Variants in PCCB observed in about 807,000 individuals in gnomAD.
PCCB encodes the protein propionyl-CoA carboxylase beta chain, mitochondrial.
PCCB carries 43 observed loss-of-function variants against 60.7 expected under a neutral mutation model. That is an observed-to-expected ratio of 0.71 (90% CI 0.55 to 0.91). The LOEUF is 0.91. Ranked by LOEUF, PCCB falls within the 40% of genes least tolerant of loss-of-function variation. The pLI is 0.00. For missense variants in PCCB, 766 were observed against 702.8 expected, an observed-to-expected ratio of 1.09 and a Z score of -1.02; for synonymous variants, 276 against 255.9, an observed-to-expected ratio of 1.08 and a Z score of -0.75.
At chr3:136,298,406 A>G (rs1242223671) in intron 8 of PCCB, among the ~76,000 whole-genome samples, 1 of 152,170 alleles carries the variant, frequency 6.6e-6, no homozygotes, top group Non-Finnish European at 1.5e-5. Context: ...GTCCCCATGA[A>G]GAAGTCTCCC....
chr3:136,327,784 G>C lies in PCCB; in HGVS notation c.1398+52G>C, dbSNP rs758787494. The C allele has an allele frequency of 2.9e-6, 4 of 1,397,220 alleles. No individual in the cohort carries two copies. In the African/African-American group the frequency reaches 5.7e-5, roughly 20 times the overall value. 86.6% of individuals were successfully genotyped at this position (1,397,220 alleles called of 1,614,324 possible). A position where few individuals can be genotyped will look rare whatever the true frequency, so the allele number is the denominator to read the frequency against. Reference sequence around the variant, plus strand: ...TGGGTCCAAGGACTCGACTCTACCAGCGAGAGCTCAAGGCATAGCTGGGAA... The same window carrying C: ...TGGGTCCAAGGACTCGACTCTACCACCGAGAGCTCAAGGCATAGCTGGGAA... On this transcript the variant is annotated intron_variant, in intron 13 of 14. Coordinates refer to ENST00000251654, the MANE Select transcript of PCCB (RefSeq NM_000532.5).
intron 9 of PCCB, among the ~76,000 whole-genome samples, chr3:136,312,984 G>A (rs531561753): frequency 6.6e-6 from 1 of 152,262 alleles, no homozygotes; most frequent in African/African-American, 2.4e-5. Context: ...CCTTAAACAT[G>A]TCAAAAGATT....
At chr3:136,264,440 G>GTGTGTGTATATATATATATATATATATA in intron 5 of PCCB, among the ~76,000 whole-genome samples, 16 of 123,852 alleles carry the variant, frequency 1.3e-4, no homozygotes, top group South Asian at 1.1e-3. Flanking sequence ...ATGTGTGTGT[G>GTGTGTGTATATATATATATATATATATA]TATATATGTA....
intron 6 of PCCB, among the ~76,000 whole-genome samples, chr3:136,292,814 G>A (rs1933760402): frequency 6.6e-6 from 1 of 152,166 alleles, no homozygotes; most frequent in Non-Finnish European, 1.5e-5. Context: ...GGGTGTCTCT[G>A]TAGAGAGAAG....
chr3:136,267,686 T>C (rs1576411962), intron 5 of PCCB, among the ~76,000 whole-genome samples: 1 of 151,640 alleles, frequency 6.6e-6, no homozygotes, highest in East Asian at 2.0e-4. Flanking sequence ...AGGGTCCCAC[T>C]ATGTTGCCCA....
At chr3:136,274,987 T>C (rs1942303343) in intron 5 of PCCB, among the ~76,000 whole-genome samples, 1 of 152,040 alleles carries the variant, frequency 6.6e-6, no homozygotes, top group South Asian at 2.1e-4. Context: ...ATTTTTATGT[T>C]TTTTTTGTAG....
rs1353542774 is a variant in PCCB, at chr3:136,329,920, T to C, written c.1514T>C (p.Ile505Thr). 1.6e-5 allele frequency: 26 copies of C among 1,614,034 alleles called. No individual in the cohort carries two copies. The highest frequency in any genetic ancestry group is 2.0e-5 in the Non-Finnish European group (24 of 1,180,010). The change falls in exon 15 of 15, where the codon ATC becomes ACC. Residue 505 changes from isoleucine to threonine, a missense_variant. By Grantham distance (89) the Ile-to-Thr change is moderately conservative. Transcript: ENST00000251654. The part of the protein sequence containing the change: ...PAAVRGFVDD[I>T]IQPSSTRARI... Reference sequence around the variant, plus strand: ...GCTTCACCAGGGTTTGTGGATGACATCATCCAACCTTCTTCCACACGTGCC... The same window carrying C: ...GCTTCACCAGGGTTTGTGGATGACACCATCCAACCTTCTTCCACACGTGCC...
At chr3:136,299,644 GTATATGCATGTGTATGTATA>G (rs1182500011) in intron 8 of PCCB, among the ~76,000 whole-genome samples, 1 of 107,302 alleles carries the variant, frequency 9.3e-6, no homozygotes, top group Non-Finnish European at 1.9e-5. Context: ...GTGTATGTAT[GTATATGCATGTGTATGTATA>G]GGTATGCATG....
At chr3:136,314,419 G>T (rs1934797365) in intron 9 of PCCB, among the ~76,000 whole-genome samples, 1 of 152,250 alleles carries the variant, frequency 6.6e-6, no homozygotes, top group African/African-American at 2.4e-5. Flanking sequence ...GTTCACACTT[G>T]TAAGGAGGGC....
At chr3:136,253,794 T>G (rs992449942) in intron 1 of PCCB, among the ~76,000 whole-genome samples, 1 of 150,536 alleles carries the variant, frequency 6.6e-6, no homozygotes, top group African/African-American at 2.4e-5. Flanking sequence ...TTCAGCCTCC[T>G]ACCCTGCTAG....
intron 5 of PCCB, among the ~76,000 whole-genome samples, chr3:136,280,447 A>G (rs1411933682): frequency 6.6e-6 from 1 of 152,048 alleles, no homozygotes; most frequent in Non-Finnish European, 1.5e-5. Context: ...CCAGGCTCAA[A>G]TGATTCTCCC....
intron 9 of PCCB, among the ~76,000 whole-genome samples, chr3:136,313,025 A>C (rs539664259): frequency 7.9e-5 from 12 of 152,350 alleles, no homozygotes; most frequent in African/African-American, 2.9e-4. Flanking sequence ...TAGAAATACA[A>C]ATTCAAATTA....
At chr3:136,299,249 C>T (rs916662544) in intron 8 of PCCB, among the ~76,000 whole-genome samples, 3 of 151,036 alleles carry the variant, frequency 2.0e-5, no homozygotes, top group South Asian at 2.1e-4. Context: ...TATATGTATA[C>T]GTGTATGTGT....
chr3:136,264,829 T>A (rs1178046846), intron 5 of PCCB, among the ~76,000 whole-genome samples: 1 of 132,216 alleles, frequency 7.6e-6, no homozygotes, highest in African/African-American at 2.9e-5. Flanking sequence ...CAGCCAAGAT[T>A]GCGCCACCGC....
chr3:136,305,761 AG>A (rs769891180), intron 9 of PCCB, among the ~76,000 whole-genome samples: 5 of 117,460 alleles, frequency 4.3e-5, no homozygotes, highest in East Asian at 6.7e-4. Context: ...AAAAAAAAAA[AG>A]AAAGAAAAAA....
intron 9 of PCCB, among the ~76,000 whole-genome samples, chr3:136,304,624 A>T (rs1402001645): frequency 8.4e-6 from 1 of 118,462 alleles, no homozygotes; most frequent in Non-Finnish European, 1.9e-5. Flanking sequence ...CGACCTCGTG[A>T]TCTGCCCGCC....
chr3:136,326,315 C>T, intron 10 of PCCB: 1 of 702,626 alleles, frequency 1.4e-6, no homozygotes, highest in Non-Finnish European at 2.6e-6. Context: ...CTACTCTGTG[C>T]TGCTTTATAG....
At chr3:136,319,814 T>A (rs1186119389) in intron 10 of PCCB, among the ~76,000 whole-genome samples, 1 of 152,250 alleles carries the variant, frequency 6.6e-6, no homozygotes. Flanking sequence ...TTCCTGTTGT[T>A]TTTTTCCTGA....
At chr3:136,317,182 A>G (rs1934929878) in intron 10 of PCCB, 118 bp downstream of exon 10, 1 of 931,920 alleles carries the variant, frequency 1.1e-6, no homozygotes, top group African/African-American at 1.7e-5. Context: ...TGACCAGAGG[A>G]AAAAATCTAA....
Sources: gnomAD v4.1 joint callset for allele counts (sites outside exome capture counted in the v4.1 genomes callset) on GRCh38, gnomAD v4.1.1 for gene constraint, MANE v1.5 for transcripts, NCBI Gene and HGNC (gene_info 2026-07-23, HGNC 2026-07-21) for gene names.